The following CLEC17A variants were observed in gnomAD, a reference collection of about 807,000 sequenced individuals.
CLEC17A encodes C-type lectin domain family 17, member A.
Under a neutral mutation model 61.3 loss-of-function variants are expected in CLEC17A, and 37 were observed. The ratio of observed to expected loss-of-function variants is 0.60; its 90% confidence interval spans 0.46 to 0.79. The LOEUF is 0.79. Ranked by LOEUF, CLEC17A falls within the 30% of genes least tolerant of loss-of-function variation. The probability of loss-of-function intolerance (pLI) is 0.00; values close to 1 mark genes in which losing one functional copy is unlikely to be tolerated. For synonymous variants in CLEC17A, 168 were observed against 164.9 expected (o/e 1.02, Z -0.14); for missense variants, 418 against 464.7 (o/e 0.90, Z 0.92).
intron 8 of CLEC17A, among the ~76,000 whole-genome samples, chr19:14,595,592 C>G (rs1167715827): frequency 1.3e-5 from 2 of 152,044 alleles, no homozygotes; most frequent in Admixed American, 1.3e-4. Flanking sequence ...ACTTATGGTT[C>G]TGTTGGTGAT....
chr19:14,593,310 T>A, intron 4 of CLEC17A, among the ~76,000 whole-genome samples: 1 of 124,504 alleles, frequency 8.0e-6, no homozygotes, highest in African/African-American at 3.2e-5. Context: ...TTGGGCAATA[T>A]ATAGCAAGAC....
chr19:14,592,434 T>G (rs1452298358), intron 4 of CLEC17A, 76 bp downstream of exon 4: 2 of 1,590,332 alleles, frequency 1.3e-6, no homozygotes, highest in Non-Finnish European at 1.7e-6. Flanking sequence ...CTGGGCATTG[T>G]AGACACACAG....
In CLEC17A at chr19:14,611,268, T is replaced by C. The variant is rs573028446; in HGVS notation, c.*1072T>C. 6.6e-6 allele frequency: 1 copy of C among 152,086 alleles called. No individual in the cohort carries two copies. The highest frequency in any genetic ancestry group is 2.1e-4 in the South Asian group (1 of 4,812). 9.4% of individuals were successfully genotyped at this position (152,086 alleles called of 1,614,324 possible). A position where few individuals can be genotyped will look rare whatever the true frequency, so the allele number is the denominator to read the frequency against. On this transcript the variant is annotated 3_prime_UTR_variant, in exon 14 of 14. Transcript: ENST00000417570. ...CAAATAACCCAGAAACCATCAAAATTATTTTTGACCAGCAACTTTCTCAAT... is the reference window on the plus strand; with the variant it reads ...CAAATAACCCAGAAACCATCAAAATCATTTTTGACCAGCAACTTTCTCAAT...
intron 10 of CLEC17A, 101 bp from the exon 11 acceptor site, chr19:14,599,616 G>A (rs768273253): frequency 1.2e-6 from 1 of 829,146 alleles, no homozygotes; most frequent in Non-Finnish European, 2.1e-6. Flanking sequence ...ACACAGTGGG[G>A]AACACAACCC....
Position 14,596,986 on chromosome 19 carries a change from C to T in CLEC17A, c.556C>T (p.Leu186Phe), listed in dbSNP as rs776374091. ...LVVTSLFLGC[L>F]GLTVTLIKYQ... ...GGTGACTTCCCTGTTCCTGGGCTGCCTTGGTCTCACTGTGACCCTGATTAA... is the reference window on the plus strand; with the variant it reads ...GGTGACTTCCCTGTTCCTGGGCTGCTTTGGTCTCACTGTGACCCTGATTAA... Residue 186 changes from leucine to phenylalanine, a missense_variant, in exon 9 of 14, where the codon CTT (leucine) becomes TTT (phenylalanine). Leu to Phe is a conservative substitution (Grantham distance 22, BLOSUM62 0). Transcript: ENST00000417570. 2.5e-6 allele frequency: 4 copies of T among 1,609,176 alleles called. No homozygotes were observed. The highest frequency in any genetic ancestry group is 3.4e-6 in the Non-Finnish European group (4 of 1,177,904).
At chr19:14,608,430 T>C (rs1463313382) in intron 13 of CLEC17A, among the ~76,000 whole-genome samples, 2 of 152,096 alleles carry the variant, frequency 1.3e-5, no homozygotes, top group South Asian at 2.1e-4. Flanking sequence ...TCCAAGCTGA[T>C]AGGGTGTCTA....
chr19:14,586,647 G>T (rs1034146400), intron 2 of CLEC17A, among the ~76,000 whole-genome samples: 4 of 151,802 alleles, frequency 2.6e-5, no homozygotes, highest in Non-Finnish European at 5.9e-5. Flanking sequence ...GGCTGGTCTT[G>T]AACTCCTGGC....
intron 7 of CLEC17A, 38 bp from the exon 8 acceptor site, chr19:14,595,236 G>A (rs2074515230): frequency 6.2e-7 from 1 of 1,610,948 alleles, no homozygotes; most frequent in South Asian, 1.1e-5. Flanking sequence ...AGAGTCTTTG[G>A]CATCTTCTGA....
At position 14,592,233 on chromosome 19, in the gene CLEC17A, G is replaced by A. The variant is rs755627708; in HGVS notation, c.200-48G>A. 2.6e-6 allele frequency: 4 copies of A among 1,524,288 alleles called. No individual in the cohort carries two copies. In the East Asian group the frequency reaches 7.3e-5, roughly 28 times the overall value. 94.4% of individuals were successfully genotyped at this position (1,524,288 alleles called of 1,614,324 possible). On this transcript the variant is annotated intron_variant, in intron 3 of 13. Transcript: ENST00000417570. ...AGGCAGAGACCAGGGCTTGAGGGAT[G>A]GAGGGAGGAGGGAATGGCTGGGCTC... is the stretch of plus-strand genomic sequence containing the variant.
chr19:14,590,780 G>A (rs1421510473), intron 3 of CLEC17A, among the ~76,000 whole-genome samples: 1 of 151,782 alleles, frequency 6.6e-6, no homozygotes, highest in Non-Finnish European at 1.5e-5. Flanking sequence ...TCAACCTCCT[G>A]AGCTCAAGCA....
chr19:14,594,140 G>T (rs904843705), intron 4 of CLEC17A, among the ~76,000 whole-genome samples: 2 of 151,916 alleles, frequency 1.3e-5, no homozygotes, highest in African/African-American at 4.8e-5. Context: ...AAAGTTAGCT[G>T]GGCGTGGTAG....
chr19:14,586,445 TG>T (rs1201612074), intron 2 of CLEC17A, among the ~76,000 whole-genome samples: 1 of 149,940 alleles, frequency 6.7e-6, no homozygotes, highest in African/African-American at 2.5e-5. Context: ...TTTTTAAGAG[TG>T]GGGTCTCCCT....
In CLEC17A at chr19:14,599,764, G is replaced by A; in HGVS notation, c.694G>A (p.Val232Ile). The change falls in exon 11 of 14, where the codon GTA becomes ATA. Residue 232 changes from valine (V) to isoleucine (I), a missense_variant. Val to Ile is a conservative substitution (Grantham distance 29). Transcript: ENST00000417570. ...LAGLKHDIAR[V>I]RADTNQSLVE... is the part of the protein sequence containing the mutation. Reference sequence around the variant, plus strand: ...TGGCCTGAAGCATGACATTGCCCGTGTAAGAGCTGACACCAACCAGTCCCT... The same window carrying A: ...TGGCCTGAAGCATGACATTGCCCGTATAAGAGCTGACACCAACCAGTCCCT... 1 of 1,613,954 alleles carries A rather than the reference G, an allele frequency of 6.2e-7. No individual in the cohort carries two copies. Among genetic ancestry groups the A allele is most frequent in the Non-Finnish European group, 8.5e-7 (1 of 1,179,862 alleles).
intron 3 of CLEC17A, among the ~76,000 whole-genome samples, chr19:14,589,274 T>A (rs2074360271): frequency 7.8e-6 from 1 of 128,432 alleles, no homozygotes; most frequent in Non-Finnish European, 1.5e-5. Context: ...CCTCACCTCA[T>A]CTTCATCCCC....
chr19:14,594,959 C>T (rs1002485719), intron 7 of CLEC17A, among the ~76,000 whole-genome samples, 159 bp downstream of exon 7: 3 of 152,192 alleles, frequency 2.0e-5, no homozygotes, highest in African/African-American at 7.2e-5. Context: ...GCAACCTCTG[C>T]CTCCTGGGTT....
At chr19:14,607,427 T>G (rs1038264497) in intron 13 of CLEC17A, among the ~76,000 whole-genome samples, 10 of 151,658 alleles carry the variant, frequency 6.6e-5, no homozygotes, top group Middle Eastern at 3.4e-3. Context: ...ATGGTCTTGA[T>G]CTCCTGACCT....
chr19:14,583,033 G>T, upstream of CLEC17A: 1 of 939,624 alleles, frequency 1.1e-6, no homozygotes, highest in Non-Finnish European at 1.7e-6. Context: ...CTGTCAAAAT[G>T]AATTTGCATG....
Position 14,583,240 on chromosome 19 carries a change from G to C in CLEC17A, c.43+37G>C, listed in dbSNP as rs368969911. The C allele has an allele frequency of 1.9e-5, 30 of 1,613,696 alleles. No homozygotes were observed. The African/African-American group carries it at 4.0e-4, about 21-fold the overall frequency. On this transcript the variant is annotated intron_variant, in intron 1 of 13. Transcript: ENST00000417570. ...GCCAGGCTGGGGCTGGGGCCTAGGT[G>C]TGGTCAGGACCCAGGGTACAGAATC...
chr19:14,589,383 G>C (rs917340164), intron 3 of CLEC17A, among the ~76,000 whole-genome samples: 1 of 132,756 alleles, frequency 7.5e-6, no homozygotes, highest in Non-Finnish European at 1.5e-5. Context: ...ACAGAGAAGA[G>C]AACTGTGAAT....
Sources: gnomAD v4.1 joint callset for allele counts (sites outside exome capture counted in the v4.1 genomes callset) on GRCh38, gnomAD v4.1.1 for gene constraint, MANE v1.5 for transcripts, NCBI Gene and HGNC (gene_info 2026-07-23, HGNC 2026-07-21) for gene names.